The following PLCB1 variants were observed in gnomAD, a reference collection of about 807,000 sequenced individuals.
The protein encoded by PLCB1 is 1-phosphatidylinositol 4,5-bisphosphate phosphodiesterase beta-1.
Under a neutral mutation model 161.8 loss-of-function variants are expected in PLCB1, and 46 were observed. The ratio of observed to expected loss-of-function variants is 0.28; its 90% CI spans 0.22 to 0.36. The LOEUF (loss-of-function observed/expected upper bound fraction) is 0.36. PLCB1 is among the 10% of genes least tolerant of loss of function. The pLI is 1.00. For synonymous variants in PLCB1, 517 were observed against 503.7 expected (o/e 1.03, Z -0.35); for missense variants, 1,016 against 1,472.5 (o/e 0.69, Z 5.07).
chr20:8,697,820 A>G, intron 11 of PLCB1, 37 bp downstream of exon 11: 1 of 1,597,262 alleles, frequency 6.3e-7, no homozygotes, highest in Non-Finnish European at 8.6e-7. Flanking sequence ...AGGCAGCTGG[A>G]GACACCTGAT....
At chr20:8,314,313 C>T (rs1007190614) in intron 2 of PLCB1, among the ~76,000 whole-genome samples, 5 of 151,870 alleles carry the variant, frequency 3.3e-5, no homozygotes, top group African/African-American at 7.3e-5. Context: ...AATTTTTTTT[C>T]GGAGTTGTAT....
intron 24 of PLCB1, among the ~76,000 whole-genome samples, chr20:8,760,156 C>T (rs992763608): frequency 3.3e-5 from 5 of 152,076 alleles, no homozygotes. Context: ...CCGCCTGCCT[C>T]GGCCTCCCAA....
At chr20:8,465,859 C>G (rs1410592782) in intron 3 of PLCB1, among the ~76,000 whole-genome samples, 1 of 151,034 alleles carries the variant, frequency 6.6e-6, no homozygotes, top group Admixed American at 6.6e-5. Flanking sequence ...AACAGGAACA[C>G]TTTTACACTG....
chr20:8,417,288 A>G (rs1831521236), intron 3 of PLCB1, among the ~76,000 whole-genome samples: 1 of 150,710 alleles, frequency 6.6e-6, no homozygotes, highest in African/African-American at 2.4e-5. Flanking sequence ...GGGTTTCACC[A>G]TGATACACTT....
At chr20:8,852,551 T>C (rs4816095) in intron 31 of PLCB1, among the ~76,000 whole-genome samples, 50,589 of 152,018 alleles carry the variant, frequency 0.33, 9,160 homozygotes, top group East Asian at 0.63. Flanking sequence ...ACCTTTCCTT[T>C]GTCCACAGAA....
rs6118288 is a variant in PLCB1, at chr20:8,663,238, A to G, written c.862+4534A>G. On this transcript the variant is annotated intron_variant, in intron 9 of 31. Coordinates refer to ENST00000338037, the MANE Select transcript of PLCB1 (RefSeq NM_015192.4). ...ACACACAACATATAGTTGTGTGTGT[A>G]TACACATACACAGAGACACACACAC... Among the ~76,000 whole-genome samples the G allele has an allele frequency of 2.0e-5, 3 of 152,024 alleles. No homozygotes were observed. The East Asian group carries it at 5.8e-4, about 29-fold the overall frequency.
Position 8,458,761 on chromosome 20 carries a change from AG to A in PLCB1, c.246+87312del, listed in dbSNP as rs1288344550. 4.6e-5 allele frequency among the ~76,000 whole-genome samples: 7 copies of A among 152,328 alleles called. No homozygotes were observed. The East Asian group carries it at 1.4e-3, about 29-fold the overall frequency. On this transcript the variant is annotated intron_variant, in intron 3 of 31. Coordinates refer to ENST00000338037, the MANE Select transcript of PLCB1 (RefSeq NM_015192.4). ...TAAGTAAGTTCTTCCTTTAAAGTAAAGAAGCTGACCTTCCAAGCTAATTTAT... is the reference window on the plus strand; with the variant it reads ...TAAGTAAGTTCTTCCTTTAAAGTAAAAAGCTGACCTTCCAAGCTAATTTAT...
At chr20:8,787,474 A>G (rs1313857008) in intron 27 of PLCB1, among the ~76,000 whole-genome samples, 3 of 152,182 alleles carry the variant, frequency 2.0e-5, no homozygotes, top group African/African-American at 7.2e-5. Flanking sequence ...AGCTTGCCTT[A>G]TATGTTTTTG....
chr20:8,832,643 A>G (rs1220435595), intron 31 of PLCB1, among the ~76,000 whole-genome samples: 5 of 152,228 alleles, frequency 3.3e-5, no homozygotes, highest in Non-Finnish European at 7.3e-5. Context: ...AGGAATCCCT[A>G]TCATAAGATT....
chr20:8,137,876 A>G (rs1209812050), intron 1 of PLCB1, among the ~76,000 whole-genome samples: 3 of 152,224 alleles, frequency 2.0e-5, no homozygotes, highest in Non-Finnish European at 4.4e-5. Context: ...AAACCTCTTC[A>G]GCCTAAAACA....
intron 3 of PLCB1, among the ~76,000 whole-genome samples, chr20:8,526,785 G>T (rs1385478246): frequency 1.3e-5 from 2 of 152,080 alleles, no homozygotes; most frequent in Non-Finnish European, 1.5e-5. Context: ...GCTGTGGGCT[G>T]CAATGTTAAT....
At chr20:8,388,199 C>CT (rs1468922227) in intron 3 of PLCB1, among the ~76,000 whole-genome samples, 6 of 151,698 alleles carry the variant, frequency 4.0e-5, no homozygotes, top group Admixed American at 6.6e-5. Flanking sequence ...TTTGTATATG[C>CT]TTTTTTTTCC....
intron 19 of PLCB1, among the ~76,000 whole-genome samples, chr20:8,736,625 A>G (rs1336156970): frequency 6.6e-6 from 1 of 152,176 alleles, no homozygotes; most frequent in Non-Finnish European, 1.5e-5. Context: ...TGAAACTTAC[A>G]ATTATGGTGG....
intron 3 of PLCB1, among the ~76,000 whole-genome samples, chr20:8,556,889 A>G (rs1256406624): frequency 1.3e-5 from 2 of 151,622 alleles, no homozygotes; most frequent in Non-Finnish European, 2.9e-5. Flanking sequence ...GAAAAGATGC[A>G]TAACATCAGT....
chr20:8,492,314 G>A (rs1982980813), intron 3 of PLCB1, among the ~76,000 whole-genome samples: 1 of 151,820 alleles, frequency 6.6e-6, no homozygotes, highest in African/African-American at 2.4e-5. Flanking sequence ...ATTTGACTCT[G>A]TGTGTGAGTC....
rs200399210 is a variant in PLCB1 at position 8,613,386 on chromosome 20, G to A, written c.247-14908G>A. Among the ~76,000 whole-genome samples, 9 of 152,162 alleles carry A rather than the reference G, an allele frequency of 5.9e-5. No homozygotes were observed. In the East Asian group the frequency reaches 1.7e-3, roughly 29 times the overall value. ...GAGTTTAACAATGGACAACATTTGG[G>A]TACTGAACTTCAGGGACATTAGCCG... is the stretch of plus-strand genomic sequence containing the variant. On this transcript the variant is annotated intron_variant, in intron 3 of 31. Coordinates refer to ENST00000338037, the MANE Select transcript of PLCB1 (RefSeq NM_015192.4).
At chr20:8,702,818 C>T (rs1978443859) in intron 11 of PLCB1, among the ~76,000 whole-genome samples, 1 of 152,222 alleles carries the variant, frequency 6.6e-6, no homozygotes. Context: ...CTCATCCTAA[C>T]TGATCACGCA....
chr20:8,147,675 G>A (rs769021744), intron 1 of PLCB1, among the ~76,000 whole-genome samples: 2 of 152,182 alleles, frequency 1.3e-5, no homozygotes, highest in African/African-American at 2.4e-5. Flanking sequence ...TGTTAGAGGT[G>A]ATTATGAAGG....
chr20:8,523,496 C>CTCTCTCTCTCTCTCTATATATA lies in PLCB1; in HGVS notation c.247-104797_247-104796insCTCTCTCTCTCTCTATATATAT. On this transcript the variant is annotated intron_variant, in intron 3 of 31. Coordinates refer to ENST00000338037, the MANE Select transcript of PLCB1 (RefSeq NM_015192.4). ...TCTCTCTCTCTCTCTCTCTCTCTCTCTATATATATATATATATATATATAT... is the reference window on the plus strand; with the variant it reads ...TCTCTCTCTCTCTCTCTCTCTCTCTCTCTCTCTCTCTCTCTATATATATATATATATATATATATATATATAT... 2.3e-3 allele frequency among the ~76,000 whole-genome samples: 119 copies of CTCTCTCTCTCTCTCTATATATA among 51,614 alleles called. 2 individuals are homozygous for CTCTCTCTCTCTCTCTATATATA. Among genetic ancestry groups the CTCTCTCTCTCTCTCTATATATA allele is most frequent in the Middle Eastern group, 0.012 (1 of 82 alleles). 33.9% of individuals were successfully genotyped at this position (51,614 alleles called of 152,430 possible). A position where few individuals can be genotyped will look rare whatever the true frequency, so the allele number is the denominator to read the frequency against.
Sources: allele counts gnomAD v4.1 joint callset (sites outside exome capture counted in the v4.1 genomes callset), GRCh38; gene constraint gnomAD v4.1.1; transcripts MANE v1.5; gene names NCBI Gene and HGNC (gene_info 2026-07-23, HGNC 2026-07-21).